The following KCNC2 variants were observed in gnomAD, a reference collection of about 807,000 sequenced individuals.
KCNC2 encodes voltage-gated potassium channel KCNC2.
A neutral mutation model predicts 44.5 loss-of-function variants in KCNC2; 21 were observed. The ratio of observed to expected loss-of-function variants is 0.47; its 90% CI spans 0.33 to 0.68. The LOEUF (loss-of-function observed/expected upper bound fraction) is 0.68. KCNC2 is among the 30% of genes least tolerant of loss of function. The pLI is 0.01. For synonymous variants in KCNC2, 391 were observed against 339.1 expected (o/e 1.15, Z -1.68); for missense variants, 589 against 826.2 (o/e 0.71, Z 3.52).
In KCNC2 at chr12:75,041,848, C is replaced by CA. The variant is rs145155096; in HGVS notation, c.*1256dup. 5,954 of 988,450 alleles carry CA rather than the reference C, an allele frequency of 6.0e-3. 286 individuals carry two copies. In the African/African-American group the frequency reaches 0.097, roughly 16 times the overall value. 61.2% of individuals were successfully genotyped at this position (988,450 alleles called of 1,614,324 possible). On this transcript the variant is annotated 3_prime_UTR_variant, in exon 5 of 5. Coordinates refer to ENST00000549446, the MANE Select transcript of KCNC2 (RefSeq NM_139137.4). ...AAAGCAGAGAGGCTGCTCCAAATAG[C>CA]AAAAAATGGTATGGAGTCGGGTTTG...
intron 2 of KCNC2, among the ~76,000 whole-genome samples, chr12:75,123,439 A>G (rs778277921): frequency 6.6e-6 from 1 of 152,236 alleles, no homozygotes; most frequent in Non-Finnish European, 1.5e-5. Context: ...TCCACCCGTC[A>G]TCCTAAGCAA....
At chr12:75,116,421 T>A (rs1015660498) in intron 2 of KCNC2, among the ~76,000 whole-genome samples, 1 of 152,170 alleles carries the variant, frequency 6.6e-6, no homozygotes, top group African/African-American at 2.4e-5. Flanking sequence ...GAAAGAAGAC[T>A]ATAAAAGCAG....
intron 2 of KCNC2, among the ~76,000 whole-genome samples, chr12:75,086,237 G>T (rs947200165): frequency 6.6e-6 from 1 of 151,878 alleles, no homozygotes; most frequent in Admixed American, 6.6e-5. Flanking sequence ...AATCAGGGAG[G>T]GGTCAATAGG....
chr12:75,058,874 C>T (rs1364291818), intron 2 of KCNC2, among the ~76,000 whole-genome samples: 1 of 152,078 alleles, frequency 6.6e-6, no homozygotes, highest in Non-Finnish European at 1.5e-5. Flanking sequence ...CCCCATATTA[C>T]ATATTAAGTT....
intron 2 of KCNC2, among the ~76,000 whole-genome samples, chr12:75,180,091 G>C (rs1892478322): frequency 6.6e-6 from 1 of 151,838 alleles, no homozygotes; most frequent in South Asian, 2.1e-4. Context: ...TGTCAACATA[G>C]TAATTTTAAA....
At chr12:75,098,057 C>T (rs1358980317) in intron 2 of KCNC2, among the ~76,000 whole-genome samples, 1 of 151,898 alleles carries the variant, frequency 6.6e-6, no homozygotes, top group African/African-American at 2.4e-5. Context: ...ATATGACTGG[C>T]TCATTTTCAA....
rs779792632 is a variant in KCNC2 at position 75,043,102 on chromosome 12, G to T, written c.*3C>A. The T allele has an allele frequency of 1.4e-5, 23 of 1,611,246 alleles. No homozygotes were observed. Among genetic ancestry groups the T allele is most frequent in the Non-Finnish European group, 1.9e-5 (22 of 1,178,530 alleles). ...GCCGACTGATGCAGTTTGGTTGTTT[G>T]GTTTACAAGATAGATGGGATGGGAG... On this transcript the variant is annotated 3_prime_UTR_variant, in exon 5 of 5. Transcript: ENST00000549446.
At chr12:75,072,577 T>G (rs554245148) in intron 2 of KCNC2, among the ~76,000 whole-genome samples, 2 of 151,878 alleles carry the variant, frequency 1.3e-5, no homozygotes, top group East Asian at 3.9e-4. Context: ...TATTAAATAT[T>G]AGAATATTTC....
intron 2 of KCNC2, among the ~76,000 whole-genome samples, chr12:75,151,299 C>G (rs1029622756): frequency 1.3e-5 from 2 of 151,864 alleles, no homozygotes; most frequent in African/African-American, 4.8e-5. Context: ...AATTTGTAAC[C>G]ACAGAATAGT....
chr12:75,104,314 G>C (rs1032291419), intron 2 of KCNC2, among the ~76,000 whole-genome samples: 1 of 152,130 alleles, frequency 6.6e-6, no homozygotes, highest in Non-Finnish European at 1.5e-5. Context: ...GAATGGAGCA[G>C]GATGGAGCAA....
chr12:75,055,200 G>A (rs1227521521), intron 2 of KCNC2, among the ~76,000 whole-genome samples: 4 of 151,956 alleles, frequency 2.6e-5, no homozygotes, highest in African/African-American at 9.7e-5. Context: ...TAGATAAAGG[G>A]GTGGAAGAAT....
At position 75,207,345 on chromosome 12, in the gene KCNC2, G is replaced by A. The variant is rs771108431; in HGVS notation, c.639C>T (p.Pro213=). Residue 213 remains proline, a synonymous_variant, in exon 2 of 5, where the codon CCC becomes CCT. Coordinates refer to ENST00000549446, the MANE Select transcript of KCNC2 (RefSeq NM_139137.4). The surrounding 1 kb of genome is among the most constrained non-coding windows in gnomAD (Gnocchi z 4.1). ...GKSGRWRRLQ[P]RMWALFEDPY... ...GGTCTTCGAAGAGGGCCCACATGCG[G>A]GGCTGCAGCCTCCTCCAGCGGCCAG... 11 of 1,575,778 alleles carry A rather than the reference G, an allele frequency of 7.0e-6. No homozygotes were observed. Among genetic ancestry groups the A allele is most frequent in the Non-Finnish European group, 9.5e-6 (11 of 1,161,906 alleles).
chr12:75,123,197 A>T (rs1010648791), intron 2 of KCNC2, among the ~76,000 whole-genome samples: 10 of 152,150 alleles, frequency 6.6e-5, no homozygotes, highest in African/African-American at 2.2e-4. Flanking sequence ...TACAGAAGAG[A>T]CATGCATGAA....
chr12:75,130,812 T>C (rs1251442270), intron 2 of KCNC2, among the ~76,000 whole-genome samples: 2 of 150,624 alleles, frequency 1.3e-5, no homozygotes, highest in Non-Finnish European at 3.0e-5. Context: ...CACATGGGCA[T>C]GGTAAAATGA....
intron 2 of KCNC2, among the ~76,000 whole-genome samples, chr12:75,171,337 C>T (rs61932891): frequency 0.094 from 14,311 of 151,742 alleles, 862 homozygotes; most frequent in Middle Eastern, 0.16. Flanking sequence ...CAGCTGAGTA[C>T]AGTAGGACTG....
chr12:75,177,918 A>G (rs1593035535), intron 2 of KCNC2, among the ~76,000 whole-genome samples: 1 of 151,994 alleles, frequency 6.6e-6, no homozygotes, highest in Admixed American at 6.6e-5. Flanking sequence ...AAAAGAAGAA[A>G]AGTGGAAAAT....
At chr12:75,064,132 G>A (rs995616133) in intron 2 of KCNC2, among the ~76,000 whole-genome samples, 1 of 151,988 alleles carries the variant, frequency 6.6e-6, no homozygotes, top group African/African-American at 2.4e-5. Flanking sequence ...CTCCCAAATA[G>A]ATGAGTACTG....
intron 4 of KCNC2, among the ~76,000 whole-genome samples, chr12:75,047,872 T>C (rs191483482): frequency 6.6e-6 from 1 of 152,192 alleles, no homozygotes; most frequent in Admixed American, 6.6e-5. Flanking sequence ...ATTGGATAAG[T>C]GATTTAATAT....
chr12:75,093,948 A>G (rs540409678), intron 2 of KCNC2, among the ~76,000 whole-genome samples: 61 of 151,704 alleles, frequency 4.0e-4, no homozygotes, highest in Admixed American at 1.3e-3. Context: ...CAAAAACAGC[A>G]ATTACTTTTG....
Sources: gnomAD v4.1 joint callset for allele counts (sites outside exome capture counted in the v4.1 genomes callset) on GRCh38, gnomAD v4.1.1 for gene constraint, Gnocchi (gnomAD v3.1) non-coding constraint, MANE v1.5 for transcripts, NCBI Gene and HGNC (gene_info 2026-07-23, HGNC 2026-07-21) for gene names.